Variants in SCFD2 observed in about 807,000 individuals in gnomAD.
The protein encoded by SCFD2 is sec1 family domain containing 2, also known as sec1 family domain-containing protein 2.
Under a neutral mutation model 58.9 loss-of-function variants are expected in SCFD2, and 54 were observed. The ratio of observed to expected loss-of-function variants is 0.92; its 90% CI spans 0.74 to 1.15. The LOEUF is 1.15. Among genes scored for constraint, SCFD2 ranks in the 50% most tolerant of loss-of-function variants. SCFD2 has a pLI of 0.00. For synonymous variants in SCFD2, 321 were observed against 335.9 expected, an observed-to-expected ratio of 0.96 and a Z score of 0.49; for missense variants, 805 against 836.6, an observed-to-expected ratio of 0.96 and a Z score of 0.47.
At chr4:53,350,436 A>G (rs1429621482) in intron 2 of SCFD2, among the ~76,000 whole-genome samples, 1 of 152,156 alleles carries the variant, frequency 6.6e-6, no homozygotes, top group African/African-American at 2.4e-5. Flanking sequence ...ATATTCCTAG[A>G]ACTATTTTGT....
At chr4:53,082,937 A>G (rs1158004067) in intron 5 of SCFD2, among the ~76,000 whole-genome samples, 1 of 150,864 alleles carries the variant, frequency 6.6e-6, no homozygotes. Context: ...CAGCCTCTAT[A>G]ATCACATAAG....
intron 5 of SCFD2, among the ~76,000 whole-genome samples, chr4:52,998,422 T>C (rs937685183): frequency 6.6e-6 from 1 of 152,240 alleles, no homozygotes; most frequent in African/African-American, 2.4e-5. Context: ...TTAGGTACCA[T>C]GGCCAACTGC....
chr4:53,193,913 T>C (rs1271922354), intron 4 of SCFD2, among the ~76,000 whole-genome samples: 1 of 152,172 alleles, frequency 6.6e-6, no homozygotes, highest in Admixed American at 6.6e-5. Context: ...CTGCGCCTAC[T>C]TCTCAGAGAA....
chr4:52,985,504 T>G (rs925904979), intron 5 of SCFD2, among the ~76,000 whole-genome samples: 1 of 152,032 alleles, frequency 6.6e-6, no homozygotes, highest in South Asian at 2.1e-4. Flanking sequence ...TTTGGGGATT[T>G]TGGTGTTGAT....
intron 4 of SCFD2, among the ~76,000 whole-genome samples, chr4:53,185,416 G>T (rs1161670311): frequency 2.6e-5 from 4 of 151,812 alleles, no homozygotes; most frequent in African/African-American, 9.7e-5. Context: ...TAATTATAAC[G>T]CATTTATTTC....
At chr4:53,170,049 T>C (rs1456611578) in intron 4 of SCFD2, among the ~76,000 whole-genome samples, 1 of 152,202 alleles carries the variant, frequency 6.6e-6, no homozygotes, top group Non-Finnish European at 1.5e-5. Context: ...TGTAATCCTA[T>C]TTATCTATTT....
intron 5 of SCFD2, among the ~76,000 whole-genome samples, chr4:52,923,915 C>G (rs1719803343): frequency 6.6e-6 from 1 of 152,154 alleles, no homozygotes; most frequent in Non-Finnish European, 1.5e-5. Flanking sequence ...TTTCCTTCAA[C>G]CCCTAGGCTC....
chr4:52,970,475 C>T (rs975537815), intron 5 of SCFD2, among the ~76,000 whole-genome samples: 4 of 152,200 alleles, frequency 2.6e-5, no homozygotes, highest in African/African-American at 7.2e-5. Flanking sequence ...CGGGGAGGGG[C>T]ACCCACCATT....
chr4:52,893,976 G>A (rs553037595), intron 7 of SCFD2, among the ~76,000 whole-genome samples: 2 of 152,114 alleles, frequency 1.3e-5, no homozygotes, highest in African/African-American at 4.8e-5. Flanking sequence ...CAATTTGTTG[G>A]CATCTTACTT....
chr4:53,099,767 TCAAA>T (rs1463127201), intron 5 of SCFD2, among the ~76,000 whole-genome samples: 3 of 152,158 alleles, frequency 2.0e-5, no homozygotes, highest in African/African-American at 4.8e-5. Flanking sequence ...TCCCCATGCC[TCAAA>T]CAAACACCTC....
chr4:53,328,769 G>C (rs1455800598), intron 2 of SCFD2, among the ~76,000 whole-genome samples: 1 of 152,140 alleles, frequency 6.6e-6, no homozygotes, highest in Non-Finnish European at 1.5e-5. Context: ...GAACAGCTCC[G>C]GTCTACAGCT....
intron 5 of SCFD2, among the ~76,000 whole-genome samples, chr4:53,047,164 T>C (rs1723061495): frequency 6.6e-6 from 1 of 152,216 alleles, no homozygotes; most frequent in African/African-American, 2.4e-5. Context: ...ATCCCAATTC[T>C]CACTGAGCAC....
intron 2 of SCFD2, among the ~76,000 whole-genome samples, chr4:53,325,798 A>C (rs572702273): frequency 4.6e-5 from 7 of 152,260 alleles, no homozygotes; most frequent in Non-Finnish European, 8.8e-5. Flanking sequence ...TTAACCCTTC[A>C]GTTCAAACAA....
At chr4:53,149,957 T>C (rs1726459041) in intron 4 of SCFD2, among the ~76,000 whole-genome samples, 1 of 152,218 alleles carries the variant, frequency 6.6e-6, no homozygotes, top group African/African-American at 2.4e-5. Context: ...AATTGTAGTA[T>C]CCTGGATGGC....
At chr4:53,346,943 CAT>C (rs1445416267) in intron 2 of SCFD2, among the ~76,000 whole-genome samples, 2 of 152,266 alleles carry the variant, frequency 1.3e-5, no homozygotes, top group African/African-American at 2.4e-5. Context: ...ATAACTTTCA[CAT>C]GATTGAAAAT....
intron 5 of SCFD2, among the ~76,000 whole-genome samples, chr4:53,093,515 T>C (rs1254907884): frequency 6.6e-6 from 1 of 152,138 alleles, no homozygotes; most frequent in Non-Finnish European, 1.5e-5. Flanking sequence ...CTCACACATG[T>C]GTGAAATAAT....
At chr4:53,045,075 T>G (rs1487534642) in intron 5 of SCFD2, among the ~76,000 whole-genome samples, 1 of 152,144 alleles carries the variant, frequency 6.6e-6, no homozygotes, top group Admixed American at 6.5e-5. Context: ...AGTAGGAGAA[T>G]AGCAATATTG....
chr4:53,042,580 T>A (rs1031973578), intron 5 of SCFD2, among the ~76,000 whole-genome samples: 1 of 152,176 alleles, frequency 6.6e-6, no homozygotes, highest in Non-Finnish European at 1.5e-5. Context: ...AAATAAAATA[T>A]ACATTTTCTT....
At chr4:53,161,751 GCAT>G (rs1213461157) in intron 4 of SCFD2, among the ~76,000 whole-genome samples, 1 of 152,104 alleles carries the variant, frequency 6.6e-6, no homozygotes, top group African/African-American at 2.4e-5. Flanking sequence ...TGAGAACTAT[GCAT>G]CCAACAAAAC....
Sources: allele counts gnomAD v4.1 joint callset (sites outside exome capture counted in the v4.1 genomes callset), GRCh38; gene constraint gnomAD v4.1.1; transcripts MANE v1.5; gene names NCBI Gene and HGNC (gene_info 2026-07-23, HGNC 2026-07-21).